TEX261: variants seen among roughly 807,000 people sequenced by gnomAD.
TEX261 encodes the protein testis expressed 261, also known as protein TEX261.
Under a neutral mutation model 25.1 loss-of-function variants are expected in TEX261, and 13 were observed. That is an observed-to-expected ratio of 0.52 (90% confidence interval 0.34 to 0.82). The LOEUF (loss-of-function observed/expected upper bound fraction) is 0.82. TEX261 is among the 40% of genes least tolerant of loss of function. The pLI is 0.02. For missense variants in TEX261, 206 were observed against 243.2 expected (o/e 0.85, Z 1.02); for synonymous variants, 92 against 97.8 (o/e 0.94, Z 0.35).
At position 70,993,697 on chromosome 2, in the gene TEX261, C is replaced by T. The variant is rs532232695; in HGVS notation, c.149G>A (p.Trp50Ter). 40 of 1,612,938 alleles carry T rather than the reference C, an allele frequency of 2.5e-5. No individual in the cohort carries two copies. The highest frequency in any genetic ancestry group is 3.4e-5 in the Non-Finnish European group (40 of 1,179,150). The part of the protein sequence containing the change: ...ATSRIIKYMI[W>*]FSTAVLIGLY... ...CTCCTGGAGAAAGATGCCACTTACC[C>T]AGATCATGTATTTTATGATCCTGCT... is the stretch of plus-strand genomic sequence containing the variant. The change falls in exon 2 of 6, where the codon TGG (tryptophan) becomes TAG (stop). Residue 50 changes from tryptophan (W) to a stop codon, truncating the protein, a stop_gained and splice_region_variant. Coordinates refer to ENST00000272438, the MANE Select transcript of TEX261 (RefSeq NM_144582.3). LOFTEE classifies it high-confidence loss of function.
Position 70,991,969 on chromosome 2 carries a change from T to C in TEX261, c.165A>G (p.Val55=). The stretch of plus-strand genomic sequence containing the variant: ...GCTCAAAGACGTAGAGGCCAATCAG[T>C]ACAGCGGTGGAGAACTGAAACAACC... ...IKYMIWFSTA[V]LIGLYVFERF... Residue 55 remains valine (V), a synonymous_variant, in exon 3 of 6, where the codon GTA becomes GTG. Coordinates refer to ENST00000272438, the MANE Select transcript of TEX261 (RefSeq NM_144582.3). 4.4e-6 allele frequency: 7 copies of C among 1,604,638 alleles called. No individual in the cohort carries two copies. Among genetic ancestry groups the C allele is most frequent in the Non-Finnish European group, 6.0e-6 (7 of 1,174,912 alleles).
In TEX261 at chr2:70,994,828, C is replaced by A. The variant is rs1670379738; in HGVS notation, c.-71G>T. On this transcript the variant is annotated 5_prime_UTR_variant, in exon 1 of 6. Coordinates refer to ENST00000272438, the MANE Select transcript of TEX261 (RefSeq NM_144582.3). ...CGCTTCGGCTCCGGCGACACACAGC[C>A]GCCACCGCCGCCGCCGCCGCCGCGT... The A allele has an allele frequency of 7.8e-7, 1 of 1,285,930 alleles. No homozygotes were observed. Among genetic ancestry groups the A allele is most frequent in the African/African-American group, 1.6e-5 (1 of 62,730 alleles). 79.7% of individuals were successfully genotyped at this position (1,285,930 alleles called of 1,614,324 possible).
intron 2 of TEX261, among the ~76,000 whole-genome samples, chr2:70,993,276 C>T (rs1321962153): frequency 6.6e-6 from 1 of 152,252 alleles, no homozygotes; most frequent in East Asian, 1.9e-4. Context: ...CTGTGCCGAT[C>T]TTAGGACAAA....
intron 4 of TEX261, chr2:70,989,279 A>C (rs1553425342): frequency 1.8e-6 from 1 of 541,006 alleles, no homozygotes; most frequent in Non-Finnish European, 3.3e-6. Flanking sequence ...TGAAGGAGGC[A>C]GACAAAGTGC....
intron 4 of TEX261, chr2:70,989,270 G>A (rs1382327816): frequency 3.6e-6 from 2 of 548,360 alleles, no homozygotes; most frequent in Middle Eastern, 5.0e-4. Flanking sequence ...CCCCTGGACT[G>A]AAGGAGGCAG....
At chr2:70,989,593 A>G (rs1377197485) in intron 4 of TEX261, 156 bp downstream of exon 4, 1 of 633,176 alleles carries the variant, frequency 1.6e-6, no homozygotes, top group Non-Finnish European at 2.9e-6. Flanking sequence ...CCATCCACAC[A>G]GCTTTCTCAA....
Position 70,986,836 on chromosome 2 carries a change from G to A in TEX261, c.*1764C>T, listed in dbSNP as rs1054298713. The stretch of plus-strand genomic sequence containing the variant: ...ATCCAGATGGATGGGCTTCCCTAGG[G>A]AGCCCACAGCAGAACCCTGAAAGAC... On this transcript the variant is annotated 3_prime_UTR_variant, in exon 6 of 6. Coordinates refer to ENST00000272438, the MANE Select transcript of TEX261 (RefSeq NM_144582.3). 2.0e-5 allele frequency: 3 copies of A among 152,192 alleles called. No individual in the cohort carries two copies. Among genetic ancestry groups the A allele is most frequent in the African/African-American group, 4.8e-5 (2 of 41,384 alleles). 9.4% of individuals were successfully genotyped at this position (152,192 alleles called of 1,614,324 possible). A position where few individuals can be genotyped will look rare whatever the true frequency, so the allele number is the denominator to read the frequency against.
chr2:70,989,321 A>C, intron 4 of TEX261: 1 of 473,306 alleles, frequency 2.1e-6, no homozygotes. Context: ...ACACCCCCCA[A>C]AGAAGTGACC....
intron 3 of TEX261, among the ~76,000 whole-genome samples, chr2:70,991,071 C>T (rs1433415290): frequency 6.6e-6 from 1 of 152,232 alleles, no homozygotes; most frequent in African/African-American, 2.4e-5. Flanking sequence ...GGGTAGCCAG[C>T]AATGATGAAC....
At chr2:70,990,249 AC>A (rs1670277764) in intron 3 of TEX261, among the ~76,000 whole-genome samples, 1 of 151,134 alleles carries the variant, frequency 6.6e-6, no homozygotes, top group Non-Finnish European at 1.5e-5. Context: ...AAATAAACAA[AC>A]TGGGCAGCAA....
At chr2:70,992,637 G>A (rs1337168997) in intron 2 of TEX261, among the ~76,000 whole-genome samples, 3 of 151,858 alleles carry the variant, frequency 2.0e-5, no homozygotes, top group African/African-American at 7.3e-5. Flanking sequence ...GCTGAGGCAG[G>A]AGAATCGCTT....
chr2:70,994,870 A>G lies in TEX261; in HGVS notation c.-113T>C. The stretch of plus-strand genomic sequence containing the variant: ...CCGCCGCGTCCCCGCCCCGCGGACG[A>G]CAGGACGACGGTGCGCCGCCGCCGA... On this transcript the variant is annotated 5_prime_UTR_variant, in exon 1 of 6. Transcript: ENST00000272438. 8.4e-7 allele frequency: 1 copy of G among 1,184,166 alleles called. No individual in the cohort carries two copies. Among genetic ancestry groups the G allele is most frequent in the Non-Finnish European group, 1.1e-6 (1 of 951,344 alleles). 73.4% of individuals were successfully genotyped at this position (1,184,166 alleles called of 1,614,324 possible).
At chr2:70,994,651 G>A (rs782305758) in intron 1 of TEX261, 37 bp downstream of exon 1, 3 of 1,568,332 alleles carry the variant, frequency 1.9e-6, no homozygotes, top group African/African-American at 1.4e-5. Context: ...CGATGCCGGG[G>A]CGGGAGCCCG....
intron 4 of TEX261, chr2:70,989,517 A>G: frequency 3.8e-6 from 2 of 524,412 alleles, no homozygotes; most frequent in East Asian, 3.4e-5. Context: ...CTCGAGGGGG[A>G]CCCAAAGGAC....
At position 70,985,979 on chromosome 2, in the gene TEX261, C is replaced by A. The variant is rs75723014; in HGVS notation, c.*2621G>T. On this transcript the variant is annotated 3_prime_UTR_variant, in exon 6 of 6. Transcript: ENST00000272438. ...ACATTTATTGAGTGCTTTCTAGGTG[C>A]CAGGCACCAAGCCAGGCACTGTTAA... 1 of 152,520 alleles carries A rather than the reference C, an allele frequency of 6.6e-6. No individual in the cohort carries two copies. Among genetic ancestry groups the A allele is most frequent in the East Asian group, 1.9e-4 (1 of 5,190 alleles). The allele number at this position is 152,520 out of a possible 1,614,324, so 9.4% of individuals were successfully genotyped here.
At position 70,987,443 on chromosome 2, in the gene TEX261, T is replaced by C. The variant is rs1463723246; in HGVS notation, c.*1157A>G. Reference sequence around the variant, plus strand: ...CATCTCTGTACCTGCCAGCCTCACTTTGAGGTATAGAACATGGCCAGAAAT... The same window carrying C: ...CATCTCTGTACCTGCCAGCCTCACTCTGAGGTATAGAACATGGCCAGAAAT... On this transcript the variant is annotated 3_prime_UTR_variant, in exon 6 of 6. Transcript: ENST00000272438. 6.6e-6 allele frequency: 1 copy of C among 152,610 alleles called. No individual in the cohort carries two copies. Among genetic ancestry groups the C allele is most frequent in the Admixed American group, 6.5e-5 (1 of 15,284 alleles). 9.5% of individuals were successfully genotyped at this position (152,610 alleles called of 1,614,324 possible). A position where few individuals can be genotyped will look rare whatever the true frequency, so the allele number is the denominator to read the frequency against.
rs1670270268 is a variant in TEX261, at chr2:70,989,911, G to C, written c.305-95C>G. The C allele has an allele frequency of 3.4e-6, 3 of 876,594 alleles. No individual in the cohort carries two copies. The Admixed American group carries it at 5.3e-5, about 15-fold the overall frequency. The allele number at this position is 876,594 out of a possible 1,614,324, so 54.3% of individuals were successfully genotyped here. A position where few individuals can be genotyped will look rare whatever the true frequency, so the allele number is the denominator to read the frequency against. On this transcript the variant is annotated intron_variant, in intron 3 of 5. Coordinates refer to ENST00000272438, the MANE Select transcript of TEX261 (RefSeq NM_144582.3). ...GCCCTCAGAAGTTGGGAGCCTCCATGGAGTCTTAGGCCTGACTTTACACTC... is the reference window on the plus strand; with the variant it reads ...GCCCTCAGAAGTTGGGAGCCTCCATCGAGTCTTAGGCCTGACTTTACACTC...
chr2:70,989,102 G>A (rs890385800), intron 4 of TEX261, 85 bp from the exon 5 acceptor site: 22 of 1,159,370 alleles, frequency 1.9e-5, no homozygotes, highest in South Asian at 1.8e-4. Context: ...GGTCAAGAGT[G>A]CACAGGGGGC....
At chr2:70,989,264 T>G in intron 4 of TEX261, 1 of 558,218 alleles carries the variant, frequency 1.8e-6, no homozygotes, top group Non-Finnish European at 3.2e-6. Flanking sequence ...GCAACTCCCC[T>G]GGACTGAAGG....
Sources: allele counts gnomAD v4.1 joint callset (sites outside exome capture counted in the v4.1 genomes callset), GRCh38; gene constraint gnomAD v4.1.1; transcripts MANE v1.5; gene names NCBI Gene and HGNC (gene_info 2026-07-23, HGNC 2026-07-21).